Variants in CACNA2D3 observed in about 807,000 individuals in gnomAD.
CACNA2D3 encodes the protein calcium voltage-gated channel auxiliary subunit alpha2delta 3, also known as voltage-dependent calcium channel subunit alpha-2/delta-3.
A neutral mutation model predicts 160.6 loss-of-function variants in CACNA2D3; 60 were observed. That is an observed-to-expected ratio of 0.37 (90% CI 0.30 to 0.46). The LOEUF (loss-of-function observed/expected upper bound fraction) is 0.46, where lower values mean the gene tolerates loss of function less well. CACNA2D3 is among the 20% of genes least tolerant of loss of function. The pLI is 1.00. For synonymous variants in CACNA2D3, 558 were observed against 492.9 expected, an observed-to-expected ratio of 1.13 and a Z score of -1.75; for missense variants, 1,205 against 1,365.0, an observed-to-expected ratio of 0.88 and a Z score of 1.85.
intron 21 of CACNA2D3, among the ~76,000 whole-genome samples, chr3:54,884,992 G>A (rs1020527418): frequency 3.3e-5 from 5 of 152,038 alleles, no homozygotes; most frequent in African/African-American, 2.4e-5. Flanking sequence ...TTCTCCCTCC[G>A]GACTCATTTG....
chr3:54,880,796 T>G lies in CACNA2D3; in HGVS notation c.1845T>G (p.Ser615Arg). Reference protein sequence around the residue: ...YYTDIKGTPFSLGVALSRGHG... With the variant: ...YYTDIKGTPFRLGVALSRGHG... The stretch of plus-strand genomic sequence containing the variant: ...AGATTTGCTTTGTCTCTCTGCACAG[T>G]TTAGGTGTGGCGCTTTCCAGAGGTC... The change falls in exon 21 of 38, where the codon AGT (serine) becomes AGG (arginine). Residue 615 changes from serine (S) to arginine (R), a missense_variant and splice_region_variant. Ser to Arg is a moderately radical substitution (Grantham distance 110). This residue lies in a region of CACNA2D3 where 911 missense variants were observed against 1,002.2 expected (regional missense o/e 0.91). Transcript: ENST00000474759. 1 of 1,613,242 alleles carries G rather than the reference T, an allele frequency of 6.2e-7. No individual in the cohort carries two copies. The highest frequency in any genetic ancestry group is 2.2e-5 in the East Asian group (1 of 44,884).
intron 3 of CACNA2D3, among the ~76,000 whole-genome samples, chr3:54,356,833 T>C (rs1272232430): frequency 6.6e-6 from 1 of 152,206 alleles, no homozygotes; most frequent in Non-Finnish European, 1.5e-5. Context: ...TCAGGAATGA[T>C]AAACATTCTT....
chr3:54,566,651 TC>T (rs1702413810), intron 6 of CACNA2D3, among the ~76,000 whole-genome samples: 1 of 152,192 alleles, frequency 6.6e-6, no homozygotes, highest in Non-Finnish European at 1.5e-5. Context: ...TCAGTTAGGT[TC>T]ATGCATGATT....
intron 13 of CACNA2D3, among the ~76,000 whole-genome samples, chr3:54,771,578 A>G (rs1412688767): frequency 2.0e-5 from 3 of 152,130 alleles, no homozygotes; most frequent in East Asian, 3.9e-4. Flanking sequence ...AGGCCACCCA[A>G]AGTTCCTTGC....
chr3:54,596,023 G>T (rs1359999654), intron 9 of CACNA2D3, among the ~76,000 whole-genome samples: 1 of 152,042 alleles, frequency 6.6e-6, no homozygotes. Context: ...ACTATGAAGG[G>T]AAAGCAATTA....
chr3:54,210,438 G>T (rs1701352748), intron 2 of CACNA2D3, among the ~76,000 whole-genome samples: 1 of 151,540 alleles, frequency 6.6e-6, no homozygotes, highest in South Asian at 2.1e-4. Flanking sequence ...GTGTGTGTGT[G>T]TGTTTGTGTG....
At chr3:54,286,561 T>C (rs1368985110) in intron 2 of CACNA2D3, among the ~76,000 whole-genome samples, 1 of 152,104 alleles carries the variant, frequency 6.6e-6, no homozygotes, top group African/African-American at 2.4e-5. Context: ...AATATTCAGA[T>C]TCAGGAAATA....
intron 4 of CACNA2D3, among the ~76,000 whole-genome samples, chr3:54,411,560 A>G (rs1438089137): frequency 2.0e-5 from 3 of 152,214 alleles, no homozygotes; most frequent in Admixed American, 6.5e-5. Context: ...TTTAAAATTA[A>G]GGTACACACA....
intron 9 of CACNA2D3, among the ~76,000 whole-genome samples, chr3:54,585,507 T>G (rs1185540570): frequency 2.0e-5 from 3 of 152,194 alleles, no homozygotes; most frequent in Non-Finnish European, 4.4e-5. Context: ...TATGTATTAG[T>G]CTGCTCTCTG....
chr3:54,534,614 T>G (rs1478209051), intron 5 of CACNA2D3, among the ~76,000 whole-genome samples: 1 of 151,402 alleles, frequency 6.6e-6, no homozygotes, highest in Admixed American at 6.6e-5. Context: ...GACCAACTTC[T>G]TAAAAAAAAA....
rs780406878 is a variant in CACNA2D3, at chr3:54,627,854, A to C, written c.1031A>C (p.Glu344Ala). The C allele has an allele frequency of 6.2e-7, 1 of 1,605,622 alleles. No individual in the cohort carries two copies. Among genetic ancestry groups the C allele is most frequent in the Non-Finnish European group, 8.5e-7 (1 of 1,175,062 alleles). Reference sequence around the variant, plus strand: ...GGAATGTTGGATATAGCTCTGAATGAGGCCTTCAACATTCTGAGTGATGTA... The same window carrying C: ...GGAATGTTGGATATAGCTCTGAATGCGGCCTTCAACATTCTGAGTGATGTA... ...GIGMLDIALN[E>A]AFNILSDFNH... The change falls in exon 10 of 38, where the codon GAG (glutamate) becomes GCG (alanine). Residue 344 changes from glutamate (E) to alanine (A), a missense_variant. Glu to Ala is a moderately radical substitution (Grantham distance 107). Transcript: ENST00000474759.
chr3:54,459,738 T>C (rs2106838003), intron 4 of CACNA2D3, among the ~76,000 whole-genome samples: 1 of 152,272 alleles, frequency 6.6e-6, no homozygotes. Context: ...TTCACTCTGA[T>C]GGTAGTTTCT....
chr3:54,283,798 C>T (rs1253531203), intron 2 of CACNA2D3, among the ~76,000 whole-genome samples: 2 of 152,026 alleles, frequency 1.3e-5, no homozygotes, highest in African/African-American at 2.4e-5. Context: ...TTTTTTTAAA[C>T]TACTCCTCTG....
At chr3:54,657,122 C>T (rs902113714) in intron 11 of CACNA2D3, among the ~76,000 whole-genome samples, 22 of 152,074 alleles carry the variant, frequency 1.4e-4, no homozygotes, top group African/African-American at 5.1e-4. Context: ...AGCTTTTGAG[C>T]CAGGATGAGC....
chr3:54,505,776 A>C (rs554299019), intron 5 of CACNA2D3, among the ~76,000 whole-genome samples: 77 of 152,332 alleles, frequency 5.1e-4, no homozygotes, highest in Non-Finnish European at 9.0e-4. Flanking sequence ...ACCATTATAG[A>C]GATTTAATTG....
At chr3:54,285,151 G>A (rs553423915) in intron 2 of CACNA2D3, among the ~76,000 whole-genome samples, 14 of 152,300 alleles carry the variant, frequency 9.2e-5, no homozygotes, top group African/African-American at 2.9e-4. Flanking sequence ...CTCGGGAAGC[G>A]CAAGGGGTCA....
rs1491141516 is a variant in CACNA2D3, at chr3:54,265,693, G to GT, written c.205-54749_205-54748insT. On this transcript the variant is annotated intron_variant, in intron 2 of 37. Transcript: ENST00000474759. ...TAGTGTGTGTATATATATATAGTGT[G>GT]GGTATATATAGTGTGTTTATATACG... Among the ~76,000 whole-genome samples, 106 of 141,436 alleles carry GT rather than the reference G, an allele frequency of 7.5e-4. 2 individuals are homozygous for GT. The highest frequency in any genetic ancestry group is 2.4e-3 in the African/African-American group (95 of 39,674). 92.8% of individuals were successfully genotyped at this position (141,436 alleles called of 152,430 possible).
At chr3:54,899,004 C>T (rs911092571) in intron 26 of CACNA2D3, among the ~76,000 whole-genome samples, 23 of 152,280 alleles carry the variant, frequency 1.5e-4, no homozygotes, top group African/African-American at 5.1e-4. Flanking sequence ...GAAAATTTCT[C>T]ATTACTTTGG....
intron 11 of CACNA2D3, among the ~76,000 whole-genome samples, chr3:54,716,013 A>G (rs1050752303): frequency 1.7e-4 from 26 of 151,992 alleles, no homozygotes; most frequent in Admixed American, 1.3e-4. Context: ...AATTAATTTG[A>G]TTGTAATAAT....
Sources: allele counts gnomAD v4.1 joint callset (sites outside exome capture counted in the v4.1 genomes callset), GRCh38; gene constraint gnomAD v4.1.1; regional missense constraint gnomAD v4.1.1; transcripts MANE v1.5; gene names NCBI Gene and HGNC (gene_info 2026-07-23, HGNC 2026-07-21).